DAO: variants seen among roughly 807,000 people sequenced by gnomAD.
The protein encoded by DAO is D-amino-acid oxidase.
A neutral mutation model predicts 50.1 loss-of-function variants in DAO; 51 were observed. The ratio of observed to expected loss-of-function variants is 1.02; its 90% confidence interval spans 0.81 to 1.29. The LOEUF (loss-of-function observed/expected upper bound fraction) is 1.29. DAO is among the 50% of genes most tolerant of loss of function. The pLI, the probability that DAO is intolerant of heterozygous loss-of-function variation, is 0.00. For synonymous variants in DAO, 160 were observed against 166.2 expected, an observed-to-expected ratio of 0.96 and a Z score of 0.29; for missense variants, 436 against 439.4, an observed-to-expected ratio of 0.99 and a Z score of 0.07.
At chr12:108,886,075 A>AT (rs2039433387) in intron 2 of DAO, among the ~76,000 whole-genome samples, 1 of 151,096 alleles carries the variant, frequency 6.6e-6, no homozygotes, top group South Asian at 2.1e-4. Context: ...TTAAATAGAG[A>AT]TAGGGTCTCA....
chr12:108,882,707 A>G (rs992737229), intron 1 of DAO, among the ~76,000 whole-genome samples: 2 of 152,214 alleles, frequency 1.3e-5, no homozygotes, highest in African/African-American at 4.8e-5. Flanking sequence ...CCAGGGTTAC[A>G]TGGCTGGTGT....
rs574196375 is a variant in DAO at position 108,892,275 on chromosome 12, G to C, written c.453-707G>C. Among the ~76,000 whole-genome samples, 6 of 147,118 alleles carry C rather than the reference G, an allele frequency of 4.1e-5. No individual in the cohort carries two copies. The East Asian group carries it at 1.2e-3, about 30-fold the overall frequency. Reference sequence around the variant, plus strand: ...CCTCCTGGGTTCATGCCTTTCTCCTGCCTCAGCCTCCCGAGTAGCTTGGAA... The same window carrying C: ...CCTCCTGGGTTCATGCCTTTCTCCTCCCTCAGCCTCCCGAGTAGCTTGGAA... On this transcript the variant is annotated intron_variant, in intron 5 of 10. Transcript: ENST00000228476.
chr12:108,889,458 T>C lies in DAO; in HGVS notation c.310-11T>C, dbSNP rs772005891. On this transcript the variant is annotated splice_polypyrimidine_tract_variant and intron_variant, in intron 3 of 10. Transcript: ENST00000228476. ...ATCCCACCCAGTGCCCCCTTTGTCC[T>C]TCCTCTTCAGGACCCTTCCTGGAAG... The C allele has an allele frequency of 6.2e-7, 1 of 1,606,670 alleles. No homozygotes were observed. Among genetic ancestry groups the C allele is most frequent in the Non-Finnish European group, 8.5e-7 (1 of 1,174,854 alleles).
intron 7 of DAO, among the ~76,000 whole-genome samples, chr12:108,895,785 A>C (rs927447862): frequency 4.0e-5 from 6 of 150,990 alleles, no homozygotes; most frequent in Non-Finnish European, 7.4e-5. Flanking sequence ...GTGTGTGTGC[A>C]TGTGCACCTG....
chr12:108,896,941 G>A, intron 7 of DAO, 65 bp from the exon 8 acceptor site: 2 of 1,225,318 alleles, frequency 1.6e-6, no homozygotes, highest in Non-Finnish European at 2.4e-6. Flanking sequence ...TGGCCACAGA[G>A]GGGAGCAAGG....
At chr12:108,884,902 TG>T in intron 1 of DAO, 95 bp from the exon 2 acceptor site, 1 of 1,152,278 alleles carries the variant, frequency 8.7e-7, no homozygotes, top group Non-Finnish European at 1.3e-6. Flanking sequence ...TGGTGGTGTC[TG>T]GCACCTTCTA....
At chr12:108,900,095 CTG>C (rs1306536932) in intron 10 of DAO, 5 of 386,142 alleles carry the variant, frequency 1.3e-5, no homozygotes, top group Non-Finnish European at 2.5e-5. Flanking sequence ...GATGAGGAAA[CTG>C]GGGTGAATTA....
chr12:108,898,940 T>C (rs2039592533), intron 9 of DAO, 144 bp downstream of exon 9: 1 of 716,448 alleles, frequency 1.4e-6, no homozygotes, highest in South Asian at 1.5e-5. Flanking sequence ...CAGAATTTGA[T>C]AATGTACAGG....
At chr12:108,897,187 C>A in intron 8 of DAO, 99 bp downstream of exon 8, 1 of 829,046 alleles carries the variant, frequency 1.2e-6, no homozygotes, top group East Asian at 2.4e-5. Flanking sequence ...GCAGTTGTTC[C>A]CTTTCAATGT....
intron 3 of DAO, among the ~76,000 whole-genome samples, chr12:108,888,458 C>T (rs752165869): frequency 6.6e-6 from 1 of 151,976 alleles, no homozygotes; most frequent in Non-Finnish European, 1.5e-5. Context: ...GTCTCAGCCT[C>T]CTGAGTAATT....
At chr12:108,890,103 C>T in intron 4 of DAO, 105 bp from the exon 5 acceptor site, 1 of 980,472 alleles carries the variant, frequency 1.0e-6, no homozygotes, top group East Asian at 2.4e-5. Context: ...CTGGCACTAC[C>T]CTTTGGGCCC....
At chr12:108,894,510 A>C (rs1276298446) in intron 7 of DAO, 143 bp downstream of exon 7, 1 of 700,388 alleles carries the variant, frequency 1.4e-6, no homozygotes, top group East Asian at 2.8e-5. Flanking sequence ...TGTAAAAAAA[A>C]CAAACCTGTC....
chr12:108,897,758 G>A (rs1035962456), intron 8 of DAO, among the ~76,000 whole-genome samples: 2 of 152,010 alleles, frequency 1.3e-5, no homozygotes, highest in East Asian at 1.9e-4. Context: ...GACCAGCTTG[G>A]GCAACATGGC....
chr12:108,897,145 C>A, intron 8 of DAO, 57 bp downstream of exon 8: 1 of 1,237,508 alleles, frequency 8.1e-7, no homozygotes, highest in Non-Finnish European at 1.2e-6. Context: ...CTCTTCATGA[C>A]CCTGCTGCCT....
At chr12:108,895,581 AGT>A (rs2039543813) in intron 7 of DAO, among the ~76,000 whole-genome samples, 2 of 119,214 alleles carry the variant, frequency 1.7e-5, no homozygotes, top group Non-Finnish European at 3.4e-5. Flanking sequence ...CGCATGTGAG[AGT>A]GTATGTACGT....
intron 6 of DAO, 111 bp from the exon 7 acceptor site, chr12:108,894,152 T>G (rs561013411): frequency 1.2e-6 from 1 of 833,452 alleles, no homozygotes; most frequent in Admixed American, 2.0e-5. Flanking sequence ...CTCTCCCCAC[T>G]GTTCATCAGG....
At chr12:108,899,746 G>T (rs1307034544) in intron 10 of DAO, 1 of 506,160 alleles carries the variant, frequency 2.0e-6, no homozygotes. Context: ...ACTGGGAGTG[G>T]GGATGGTAGC....
intron 2 of DAO, among the ~76,000 whole-genome samples, chr12:108,886,914 ACTG>A (rs2039441510): frequency 6.6e-6 from 1 of 152,146 alleles, no homozygotes; most frequent in Admixed American, 6.5e-5. Context: ...TGGGCTGGTG[ACTG>A]CAGAAGGATC....
chr12:108,884,328 CCT>C (rs1448583588), intron 1 of DAO, among the ~76,000 whole-genome samples: 1 of 152,208 alleles, frequency 6.6e-6, no homozygotes, highest in East Asian at 1.9e-4. Context: ...AGTCACATCA[CCT>C]CTCTGAACCA....
Sources: allele counts gnomAD v4.1 joint callset (sites outside exome capture counted in the v4.1 genomes callset), GRCh38; gene constraint gnomAD v4.1.1; transcripts MANE v1.5; gene names NCBI Gene and HGNC (gene_info 2026-07-23, HGNC 2026-07-21).